The following ANKS6 variants were observed in gnomAD, a reference collection of about 807,000 sequenced individuals.
ANKS6 encodes ankyrin repeat and SAM domain-containing protein 6.
Under a neutral mutation model 77.9 loss-of-function variants are expected in ANKS6, and 47 were observed. The ratio of observed to expected loss-of-function variants is 0.60; its 90% CI spans 0.48 to 0.77. The LOEUF (loss-of-function observed/expected upper bound fraction) is 0.77, where lower values mean the gene tolerates loss of function less well. Among genes scored for constraint, ANKS6 ranks in the 30% least tolerant of loss-of-function variants. The probability of loss-of-function intolerance (pLI) is 0.00; values close to 1 mark genes in which losing one functional copy is unlikely to be tolerated. For synonymous variants in ANKS6, 488 were observed against 501.7 expected (o/e 0.97, Z 0.37); for missense variants, 1,150 against 1,159.1 (o/e 0.99, Z 0.11).
Position 98,783,912 on chromosome 9 carries a change from C to T in ANKS6, c.1112+41G>A. 3 of 1,458,318 alleles carry T rather than the reference C, an allele frequency of 2.1e-6. No homozygotes were observed. The South Asian group carries it at 4.2e-5, about 21-fold the overall frequency. The allele number at this position is 1,458,318 out of a possible 1,614,324, so 90.3% of individuals were successfully genotyped here. On this transcript the variant is annotated intron_variant, in intron 4 of 14. Coordinates refer to ENST00000353234, the MANE Select transcript of ANKS6 (RefSeq NM_173551.5). ...GAACCTCCATCTCAGGCCAGAGCATCTGTCTGGCCTTGTCGCTGAGGGCGT... is the reference window on the plus strand; with the variant it reads ...GAACCTCCATCTCAGGCCAGAGCATTTGTCTGGCCTTGTCGCTGAGGGCGT...
At chr9:98,795,270 T>C (rs1835112258) in intron 1 of ANKS6, among the ~76,000 whole-genome samples, 1 of 152,152 alleles carries the variant, frequency 6.6e-6, no homozygotes, top group South Asian at 2.1e-4. Context: ...TTTTTGACTC[T>C]AGCTTACCCT....
rs1831454795 is a variant in ANKS6 at position 98,735,611 on chromosome 9, A to G, written c.*908T>C. 4.9e-6 allele frequency: 6 copies of G among 1,231,644 alleles called. No individual in the cohort carries two copies. The highest frequency in any genetic ancestry group is 4.1e-5 in the South Asian group (1 of 24,268). The allele number at this position is 1,231,644 out of a possible 1,614,324, so 76.3% of individuals were successfully genotyped here. A position where few individuals can be genotyped will look rare whatever the true frequency, so the allele number is the denominator to read the frequency against. On this transcript the variant is annotated 3_prime_UTR_variant, in exon 15 of 15. Coordinates refer to ENST00000353234, the MANE Select transcript of ANKS6 (RefSeq NM_173551.5). Reference sequence around the variant, plus strand: ...TGTGACCCATTAGCCTTCTGCTTCCACTTTCAGTGCAGAAAGCCCTGCAGT... The same window carrying G: ...TGTGACCCATTAGCCTTCTGCTTCCGCTTTCAGTGCAGAAAGCCCTGCAGT...
chr9:98,794,868 T>G (rs796285819), intron 1 of ANKS6, among the ~76,000 whole-genome samples: 1 of 152,158 alleles, frequency 6.6e-6, no homozygotes, highest in African/African-American at 2.4e-5. Context: ...CTCACTGCCC[T>G]GGGCCTTCTA....
Position 98,735,263 on chromosome 9 carries a change from C to T in ANKS6, c.*1256G>A. 2 of 989,120 alleles carry T rather than the reference C, an allele frequency of 2.0e-6. No homozygotes were observed. Among genetic ancestry groups the T allele is most frequent in the Non-Finnish European group, 2.4e-6 (2 of 832,546 alleles). 61.3% of individuals were successfully genotyped at this position (989,120 alleles called of 1,614,324 possible). ...GTCTGCCCACTCTACCATGCTGCCT[C>T]TCAATGTCGGGACCATCTATTTACA... On this transcript the variant is annotated 3_prime_UTR_variant, in exon 15 of 15. Transcript: ENST00000353234.
Position 98,735,532 on chromosome 9 carries a change from C to T in ANKS6, c.*987G>A, listed in dbSNP as rs1369926358. 8.9e-6 allele frequency: 11 copies of T among 1,230,010 alleles called. No individual in the cohort carries two copies. The highest frequency in any genetic ancestry group is 1.0e-5 in the Non-Finnish European group (10 of 987,508). 76.2% of individuals were successfully genotyped at this position (1,230,010 alleles called of 1,614,324 possible). On this transcript the variant is annotated 3_prime_UTR_variant, in exon 15 of 15. Coordinates refer to ENST00000353234, the MANE Select transcript of ANKS6 (RefSeq NM_173551.5). ...GCATTAATAGGATGTAGACAAAATT[C>T]CAAATTTTCACTTCTTTGCCTAGAA...
chr9:98,740,100 G>C (rs1831740920), intron 14 of ANKS6, among the ~76,000 whole-genome samples: 1 of 152,086 alleles, frequency 6.6e-6, no homozygotes, highest in South Asian at 2.1e-4. Flanking sequence ...CTGGCAGACT[G>C]TTCTCTACTA....
chr9:98,777,384 T>C, intron 8 of ANKS6, 21 bp downstream of exon 8: 1 of 1,613,716 alleles, frequency 6.2e-7, no homozygotes, highest in Non-Finnish European at 8.5e-7. Flanking sequence ...TAAAATGCTT[T>C]TAGAAAAGCC....
chr9:98,778,282 TG>T lies in ANKS6; in HGVS notation c.1510del (p.Gln504ArgfsTer15). 2 of 1,614,064 alleles carry T rather than the reference TG, an allele frequency of 1.2e-6. No individual in the cohort carries two copies. Among genetic ancestry groups the T allele is most frequent in the Non-Finnish European group, 1.7e-6 (2 of 1,179,986 alleles). ...GAGTGCAGAGCGGCTTGTCTTGTCCTGGGGGGCAGCCCTCATTGTGGAGTCC... is the reference window on the plus strand; with the variant it reads ...GAGTGCAGAGCGGCTTGTCTTGTCCTGGGGGCAGCCCTCATTGTGGAGTCC... ...ALDSTMRAAPQDKTSRSALPD... is the reference protein window; with the variant it reads ...ALDSTMRAAPXDKTSRSALPD... On this transcript the variant is annotated frameshift_variant, in exon 7 of 15. Transcript: ENST00000353234. LOFTEE classifies it high-confidence loss of function.
chr9:98,784,285 G>A, intron 3 of ANKS6, 128 bp from the exon 4 acceptor site: 1 of 843,968 alleles, frequency 1.2e-6, no homozygotes, highest in Non-Finnish European at 1.7e-6. Context: ...GGGCATCATA[G>A]GGGATACTAA....
At chr9:98,743,968 T>A (rs374932423) in intron 14 of ANKS6, among the ~76,000 whole-genome samples, 61 of 152,264 alleles carry the variant, frequency 4.0e-4, no homozygotes, top group African/African-American at 1.3e-3. Context: ...TCTGCCCGCC[T>A]CTGACAACCT....
intron 2 of ANKS6, chr9:98,789,806 G>A (rs1212189401): frequency 5.8e-6 from 2 of 347,168 alleles, no homozygotes; most frequent in Non-Finnish European, 1.0e-5. Flanking sequence ...AAACCTTGTT[G>A]TAGAAGGGCC....
chr9:98,790,837 C>G (rs1834868965), intron 1 of ANKS6, among the ~76,000 whole-genome samples: 1 of 152,206 alleles, frequency 6.6e-6, no homozygotes, highest in Non-Finnish European at 1.5e-5. Context: ...GCTGCATGAC[C>G]TTTAGGAAGA....
At chr9:98,778,760 C>T (rs1254665932) in intron 6 of ANKS6, among the ~76,000 whole-genome samples, 1 of 152,196 alleles carries the variant, frequency 6.6e-6, no homozygotes, top group Non-Finnish European at 1.5e-5. Context: ...TGAGGTCTTA[C>T]AGTGAGACAG....
At chr9:98,779,694 CG>C (rs1411629204) in intron 6 of ANKS6, among the ~76,000 whole-genome samples, 5 of 151,852 alleles carry the variant, frequency 3.3e-5, no homozygotes, top group African/African-American at 1.2e-4. Context: ...GACGGAGTTT[CG>C]CTCTGTCGCC....
intron 1 of ANKS6, 150 bp from the exon 2 acceptor site, chr9:98,790,756 G>C: frequency 9.1e-7 from 1 of 1,097,124 alleles, no homozygotes; most frequent in Middle Eastern, 2.4e-4. Context: ...CAGCCACATG[G>C]ATGCAGATGC....
intron 3 of ANKS6, chr9:98,784,358 C>T: frequency 2.1e-6 from 1 of 486,784 alleles, no homozygotes; most frequent in Admixed American, 3.8e-5. Flanking sequence ...GAGACAAACA[C>T]ACGAATGGGC....
chr9:98,752,630 T>C (rs564841834), intron 12 of ANKS6, among the ~76,000 whole-genome samples: 1 of 152,274 alleles, frequency 6.6e-6, no homozygotes, highest in East Asian at 1.9e-4. Context: ...ACAACACCAA[T>C]GAGGTAGATC....
At position 98,771,045 on chromosome 9, in the gene ANKS6, G is replaced by A. The variant is rs756965889; in HGVS notation, c.1823C>T (p.Thr608Ile). Residue 608 changes from threonine (T) to isoleucine (I), a missense_variant and splice_region_variant, in exon 10 of 15, where the codon ACA (threonine) becomes ATA (isoleucine). Thr to Ile is a moderately conservative substitution (Grantham distance 89). Coordinates refer to ENST00000353234, the MANE Select transcript of ANKS6 (RefSeq NM_173551.5). ...HPVGGGGTDT[T>I]PVRPVKFPSL... ...TGGAAATTTAACAGGCCTGACGGGT[G>A]TCTACAAGAATAAGGCAGGTGCAGC... is the stretch of plus-strand genomic sequence containing the variant. 5 of 1,560,612 alleles carry A rather than the reference G, an allele frequency of 3.2e-6. No individual in the cohort carries two copies. Among genetic ancestry groups the A allele is most frequent in the African/African-American group, 2.7e-5 (2 of 72,812 alleles).
At position 98,780,248 on chromosome 9, in the gene ANKS6, A is replaced by G. The variant is rs934476048; in HGVS notation, c.1309T>C (p.Ser437Pro). 6.2e-7 allele frequency: 1 copy of G among 1,613,948 alleles called. No homozygotes were observed. Among genetic ancestry groups the G allele is most frequent in the Non-Finnish European group, 8.5e-7 (1 of 1,179,986 alleles). The change falls in exon 6 of 15, where the codon TCG becomes CCG. Residue 437 changes from serine (S) to proline (P), a missense_variant. Transcript: ENST00000353234. ...ATGCTCCAGGGCTGTCGGACCTTCG[A>G]GTGGGGCAGGGGAGGCTGGTGGCTC... Reference protein sequence around the residue: ...RPSHQPPLPHSKVRQPWSIPV... With the variant: ...RPSHQPPLPHPKVRQPWSIPV...
Sources: gnomAD v4.1 joint callset for allele counts (sites outside exome capture counted in the v4.1 genomes callset) on GRCh38, gnomAD v4.1.1 for gene constraint, MANE v1.5 for transcripts, NCBI Gene and HGNC (gene_info 2026-07-23, HGNC 2026-07-21) for gene names.